PIP4K2B: variants seen among roughly 807,000 people sequenced by gnomAD.
The protein encoded by PIP4K2B is phosphatidylinositol 5-phosphate 4-kinase type-2 beta.
A neutral mutation model predicts 42.0 loss-of-function variants in PIP4K2B; 3 were observed. The observed-to-expected ratio is 0.07, with a 90% CI of 0.03 to 0.18. The LOEUF is 0.18. PIP4K2B is among the 10% of genes least tolerant of loss of function. PIP4K2B has a pLI of 1.00. For missense variants in PIP4K2B, 332 were observed against 562.3 expected, an observed-to-expected ratio of 0.59 and a Z score of 4.14; for synonymous variants, 204 against 210.1, an observed-to-expected ratio of 0.97 and a Z score of 0.25.
At chr17:38,788,518 C>T (rs189701285) in intron 1 of PIP4K2B, among the ~76,000 whole-genome samples, 55 of 151,726 alleles carry the variant, frequency 3.6e-4, no homozygotes, top group African/African-American at 1.3e-3. Flanking sequence ...TTAAAGTGAG[C>T]AGTAGTAAAT....
chr17:38,776,472 C>G (rs1477824536), intron 7 of PIP4K2B: 1 of 307,762 alleles, frequency 3.2e-6, no homozygotes, highest in African/African-American at 2.2e-5. Context: ...TGCCACTCAA[C>G]TATATATCAA....
intron 2 of PIP4K2B, among the ~76,000 whole-genome samples, chr17:38,785,829 G>C (rs560453940): frequency 1.1e-4 from 17 of 152,298 alleles, no homozygotes; most frequent in Admixed American, 5.9e-4. Flanking sequence ...GACCCTGAAG[G>C]GGGTAGTGGT....
intron 1 of PIP4K2B, among the ~76,000 whole-genome samples, chr17:38,790,738 T>A (rs1342694062): frequency 6.6e-6 from 1 of 152,198 alleles, no homozygotes; most frequent in African/African-American, 2.4e-5. Flanking sequence ...ATTACAGATG[T>A]GAGCTACTGC....
chr17:38,789,015 A>G (rs867634416), intron 1 of PIP4K2B, among the ~76,000 whole-genome samples: 6 of 151,958 alleles, frequency 3.9e-5, no homozygotes, highest in Middle Eastern at 6.9e-3. Flanking sequence ...GCTACTCAGG[A>G]GGCTGAGGTG....
In PIP4K2B at chr17:38,770,026, G is replaced by A. The variant is rs144240023; in HGVS notation, c.1171-255C>T. Among the ~76,000 whole-genome samples the A allele has an allele frequency of 2.9e-3, 440 of 152,306 alleles. 2 individuals are homozygous for A. Among genetic ancestry groups the A allele is most frequent in the African/African-American group, 0.01 (425 of 41,562 alleles). On this transcript the variant is annotated intron_variant, in intron 9 of 9. Coordinates refer to ENST00000619039, the MANE Select transcript of PIP4K2B (RefSeq NM_003559.5). ...AAAGGCAGTGGGGAGGTGGCAACGC[G>A]GCTCTGGATCTCTGTGGGGGCCACT... is the stretch of plus-strand genomic sequence containing the variant.
At chr17:38,784,916 G>C (rs1274683988) in intron 2 of PIP4K2B, among the ~76,000 whole-genome samples, 5 of 152,172 alleles carry the variant, frequency 3.3e-5, no homozygotes, top group Non-Finnish European at 5.9e-5. Context: ...GGTGAAATCA[G>C]CCTGAATGCT....
intron 1 of PIP4K2B, among the ~76,000 whole-genome samples, chr17:38,797,246 G>T (rs1268926987): frequency 6.6e-6 from 1 of 152,152 alleles, no homozygotes; most frequent in Non-Finnish European, 1.5e-5. Flanking sequence ...CTCCTGACTC[G>T]TGATACCTAA....
intron 7 of PIP4K2B, chr17:38,775,980 C>CTTTTTTTTTTTTTTTTTTTTTTTTTTT: frequency 7.5e-6 from 3 of 400,648 alleles, no homozygotes; most frequent in South Asian, 1.8e-5. Flanking sequence ...TGTTTGCTTC[C>CTTTTTTTTTTTTTTTTTTTTTTTTTTT]TTTTTTTTTT....
chr17:38,780,770 C>T (rs934975047), intron 3 of PIP4K2B, among the ~76,000 whole-genome samples, 166 bp from the exon 4 acceptor site: 2 of 152,152 alleles, frequency 1.3e-5, no homozygotes, highest in African/African-American at 4.8e-5. Flanking sequence ...TGTTCACATC[C>T]CTCCCTAAGT....
chr17:38,771,094 T>C lies in PIP4K2B; in HGVS notation c.986A>G (p.Asn329Ser). 6.2e-7 allele frequency: 1 copy of C among 1,613,836 alleles called. No individual in the cohort carries two copies. Among genetic ancestry groups the C allele is most frequent in the Non-Finnish European group, 8.5e-7 (1 of 1,179,936 alleles). Residue 329 changes from asparagine (N) to serine (S), a missense_variant, in exon 8 of 10, where the codon AAC becomes AGC. This residue lies in a region of PIP4K2B where 63 missense variants were observed against 71.6 expected (regional missense o/e 0.88). Coordinates refer to ENST00000619039, the MANE Select transcript of PIP4K2B (RefSeq NM_003559.5). The part of the protein sequence containing the change: ...SYGTPPDSPG[N>S]LLSFPRFFGP... Reference sequence around the variant, plus strand: ...AAAGAACCGAGGAAAGCTGAGGAGGTTGCCAGGGCTGTCCGGAGGTGTGCC... The same window carrying C: ...AAAGAACCGAGGAAAGCTGAGGAGGCTGCCAGGGCTGTCCGGAGGTGTGCC...
At position 38,793,469 on chromosome 17, in the gene PIP4K2B, C is replaced by T. The variant is rs561019595; in HGVS notation, c.159+5797G>A. On this transcript the variant is annotated intron_variant, in intron 1 of 9. Transcript: ENST00000619039. The stretch of plus-strand genomic sequence containing the variant: ...ATGTTGGCCAGGCTGGTCTTGAACT[C>T]CTGACCTCAGGTGATCCGCCCACCT... Among the ~76,000 whole-genome samples, 43 of 152,172 alleles carry T rather than the reference C, an allele frequency of 2.8e-4. No homozygotes were observed. The South Asian group carries it at 8.9e-3, about 32-fold the overall frequency.
intron 1 of PIP4K2B, among the ~76,000 whole-genome samples, chr17:38,788,198 A>T (rs1239108979): frequency 6.6e-6 from 1 of 150,754 alleles, no homozygotes; most frequent in Non-Finnish European, 1.5e-5. Flanking sequence ...TTATTTATTT[A>T]TTTATTTATT....
intron 1 of PIP4K2B, among the ~76,000 whole-genome samples, chr17:38,790,365 G>C (rs183120770): frequency 6.6e-6 from 1 of 152,182 alleles, no homozygotes; most frequent in Admixed American, 6.5e-5. Context: ...GCCTGGCTCC[G>C]AGACTTAAAG....
In PIP4K2B at chr17:38,799,008, C is replaced by T. The variant is rs894272242; in HGVS notation, c.159+258G>A. The stretch of plus-strand genomic sequence containing the variant: ...CGCTCCATGGGCTGCCCCAAGCGAG[C>T]ACGCCACACGCAGGAAGCCAGAAGG... On this transcript the variant is annotated intron_variant, in intron 1 of 9. Coordinates refer to ENST00000619039, the MANE Select transcript of PIP4K2B (RefSeq NM_003559.5). This position sits in a 1 kb window ranked among gnomAD's most constrained non-coding sequence, Gnocchi z 4.4. Among the ~76,000 whole-genome samples the T allele has an allele frequency of 3.3e-5, 5 of 152,200 alleles. No homozygotes were observed. Among genetic ancestry groups the T allele is most frequent in the African/African-American group, 9.6e-5 (4 of 41,464 alleles).
chr17:38,786,721 C>T, intron 2 of PIP4K2B, 102 bp downstream of exon 2: 2 of 774,304 alleles, frequency 2.6e-6, no homozygotes, highest in Non-Finnish European at 4.7e-6. Flanking sequence ...CACACCCTGC[C>T]AGGTGCTGCC....
At chr17:38,788,687 T>C (rs898240532) in intron 1 of PIP4K2B, among the ~76,000 whole-genome samples, 1 of 151,200 alleles carries the variant, frequency 6.6e-6, no homozygotes, top group Non-Finnish European at 1.5e-5. Flanking sequence ...CAAGACCCTA[T>C]CTCTAAAAAA....
chr17:38,795,490 C>G (rs1412036752), intron 1 of PIP4K2B, among the ~76,000 whole-genome samples: 2 of 152,168 alleles, frequency 1.3e-5, no homozygotes, highest in Non-Finnish European at 2.9e-5. Flanking sequence ...GTGGCTCACA[C>G]CTGTAATCCC....
intron 1 of PIP4K2B, among the ~76,000 whole-genome samples, chr17:38,796,161 C>T (rs1910651760): frequency 6.6e-6 from 1 of 152,054 alleles, no homozygotes; most frequent in African/African-American, 2.4e-5. Context: ...CAAACAAAAT[C>T]ACAATGAGAT....
chr17:38,792,204 A>G (rs546449640), intron 1 of PIP4K2B, among the ~76,000 whole-genome samples: 17 of 152,148 alleles, frequency 1.1e-4, no homozygotes, highest in African/African-American at 4.1e-4. Context: ...GCTAGAGTGC[A>G]GTGGTATGAT....
Sources: allele counts gnomAD v4.1 joint callset (sites outside exome capture counted in the v4.1 genomes callset), GRCh38; gene constraint gnomAD v4.1.1; regional missense constraint gnomAD v4.1.1; non-coding constraint Gnocchi (gnomAD v3.1); transcripts MANE v1.5; gene names NCBI Gene and HGNC (gene_info 2026-07-23, HGNC 2026-07-21).